SLC4A5: variants seen among roughly 807,000 people sequenced by gnomAD.
The protein encoded by SLC4A5 is electrogenic sodium bicarbonate cotransporter 4.
SLC4A5 carries 96 observed loss-of-function variants against 120.4 expected under a neutral mutation model. The ratio of observed to expected loss-of-function variants is 0.80; its 90% CI spans 0.68 to 0.94. The LOEUF is 0.94. Ranked by LOEUF, SLC4A5 falls within the 40% of genes least tolerant of loss-of-function variation. The probability of loss-of-function intolerance (pLI) is 0.00; values close to 1 mark genes in which losing one functional copy is unlikely to be tolerated. For missense variants in SLC4A5, 1,259 were observed against 1,459.5 expected, an observed-to-expected ratio of 0.86 and a Z score of 2.24; for synonymous variants, 550 against 571.1, an observed-to-expected ratio of 0.96 and a Z score of 0.53.
chr2:74,322,733 C>T (rs1258145829), intron 5 of SLC4A5, among the ~76,000 whole-genome samples: 1 of 152,054 alleles, frequency 6.6e-6, no homozygotes, highest in Non-Finnish European at 1.5e-5. Flanking sequence ...ATAATAGTCT[C>T]AGGCAAAATG....
chr2:74,256,135 T>C (rs2104009409), intron 12 of SLC4A5, among the ~76,000 whole-genome samples: 1 of 152,300 alleles, frequency 6.6e-6, no homozygotes, highest in Non-Finnish European at 1.5e-5. Context: ...TTAAGCCTTG[T>C]AGATGGGAAG....
chr2:74,318,788 A>G (rs1186176128), intron 5 of SLC4A5, among the ~76,000 whole-genome samples: 2 of 152,200 alleles, frequency 1.3e-5, no homozygotes, highest in African/African-American at 2.4e-5. Flanking sequence ...TATGGAAAAC[A>G]GTATGGAGGA....
At chr2:74,230,243 T>C (rs1237014346) in intron 25 of SLC4A5, among the ~76,000 whole-genome samples, 3 of 152,146 alleles carry the variant, frequency 2.0e-5, no homozygotes, top group African/African-American at 4.8e-5. Flanking sequence ...ACGTGGGCAC[T>C]GATCAAGGGA....
intron 14 of SLC4A5, among the ~76,000 whole-genome samples, 157 bp from the exon 15 acceptor site, chr2:74,253,285 A>G (rs1670851818): frequency 6.6e-6 from 1 of 152,206 alleles, no homozygotes; most frequent in African/African-American, 2.4e-5. Context: ...TACATTGGTA[A>G]AATATGGCAC....
intron 6 of SLC4A5, among the ~76,000 whole-genome samples, chr2:74,305,247 G>C (rs1385438542): frequency 2.0e-5 from 3 of 152,204 alleles, no homozygotes; most frequent in Non-Finnish European, 4.4e-5. Flanking sequence ...TTGAAACCCA[G>C]GGTAATGGGC....
At chr2:74,262,367 T>A in intron 10 of SLC4A5, 135 bp from the exon 11 acceptor site, 2 of 494,494 alleles carry the variant, frequency 4.0e-6, no homozygotes, top group Non-Finnish European at 3.5e-6. Context: ...GAAATTCTTT[T>A]TTTTTTTTTT....
chr2:74,321,542 T>C lies in SLC4A5; in HGVS notation c.-2-6517A>G, dbSNP rs530054949. Among the ~76,000 whole-genome samples, 107 of 152,208 alleles carry C rather than the reference T, an allele frequency of 7.0e-4. No homozygotes were observed. In the South Asian group the frequency reaches 0.01, roughly 14 times the overall value. On this transcript the variant is annotated intron_variant, in intron 5 of 30. Coordinates refer to ENST00000394019, the Ensembl canonical transcript of SLC4A5. ...ATATACTTCTACTAAAAATTATGTG[T>C]TGACAAAGGTGACCCAGATGTGGTT...
exon 19 of SLC4A5, chr2:74,247,128 A>G (rs943825018): frequency 5.0e-6 from 8 of 1,614,112 alleles, no homozygotes; most frequent in Non-Finnish European, 6.8e-6. Flanking sequence ...GGCACCGATC[A>G]TCTTCTTGAT....
intron 7 of SLC4A5, among the ~76,000 whole-genome samples, chr2:74,292,102 G>A (rs993267591): frequency 3.9e-5 from 6 of 152,198 alleles, no homozygotes; most frequent in African/African-American, 1.4e-4. Context: ...CTATGAAGCG[G>A]TAATAATCAC....
chr2:74,294,857 A>G (rs770441815), intron 7 of SLC4A5, among the ~76,000 whole-genome samples: 2 of 151,984 alleles, frequency 1.3e-5, no homozygotes, highest in African/African-American at 2.4e-5. Flanking sequence ...TTTTTAGTAG[A>G]AACTGGGTTC....
At chr2:74,237,748 C>T (rs1670313684) in intron 21 of SLC4A5, among the ~76,000 whole-genome samples, 1 of 152,096 alleles carries the variant, frequency 6.6e-6, no homozygotes, top group South Asian at 2.1e-4. Flanking sequence ...CTTATGTATG[C>T]AAGTGCTGTT....
chr2:74,246,342 A>G (rs1335684412), intron 19 of SLC4A5, among the ~76,000 whole-genome samples: 1 of 152,294 alleles, frequency 6.6e-6, no homozygotes, highest in East Asian at 1.9e-4. Context: ...AACGCCCACC[A>G]TTGTAGGTTC....
rs781050086 is a variant in SLC4A5, at chr2:74,255,823, A to T, written c.977T>A (p.Ile326Asn). 1.2e-6 allele frequency: 2 copies of T among 1,614,014 alleles called. No individual in the cohort carries two copies. Among genetic ancestry groups the T allele is most frequent in the African/African-American group, 1.3e-5 (1 of 74,904 alleles). The change falls in exon 13 of 31, where the codon ATC becomes AAC. Residue 326 changes from isoleucine to asparagine, a missense_variant. Coordinates refer to ENST00000394019, the Ensembl canonical transcript of SLC4A5. This position sits in a 1 kb window ranked among gnomAD's most constrained non-coding sequence, Gnocchi z 4.0. Reference sequence around the variant, plus strand: ...CACTCCTCCCAGCATGGCCGACTGGATGAGGCGCACGAACGCGATGAATGG... The same window carrying T: ...CACTCCTCCCAGCATGGCCGACTGGTTGAGGCGCACGAACGCGATGAATGG...
intron 7 of SLC4A5, among the ~76,000 whole-genome samples, chr2:74,294,931 G>A (rs986287300): frequency 2.0e-5 from 3 of 152,062 alleles, no homozygotes; most frequent in Non-Finnish European, 2.9e-5. Flanking sequence ...TCAGCCTCTC[G>A]AAGTGCTGGG....
At chr2:74,341,777 G>A (rs1386625863) in intron 2 of SLC4A5, among the ~76,000 whole-genome samples, 1 of 152,234 alleles carries the variant, frequency 6.6e-6, no homozygotes, top group African/African-American at 2.4e-5. Flanking sequence ...AGTAAGAGGG[G>A]CAGAAATGAA....
At position 74,252,407 on chromosome 2, in the gene SLC4A5, G is replaced by A. The variant is rs755737869; in HGVS notation, c.1269-19C>T. On this transcript the variant is annotated intron_variant, in intron 15 of 30. Coordinates refer to ENST00000394019, the Ensembl canonical transcript of SLC4A5. ...AGATTTCCTGGAAGAGAAGGGGGAT[G>A]AAGGAGAGTGGGTCCCCCAGAGCAC... The A allele has an allele frequency of 3.1e-6, 5 of 1,603,964 alleles. No individual in the cohort carries two copies. In the East Asian group the frequency reaches 1.1e-4, roughly 36 times the overall value.
intron 7 of SLC4A5, among the ~76,000 whole-genome samples, chr2:74,287,995 G>A (rs756578213): frequency 7.9e-5 from 12 of 152,092 alleles, no homozygotes; most frequent in South Asian, 2.1e-4. Context: ...ATCAGTTCCC[G>A]GCCTGCTGCC....
At chr2:74,307,217 T>C in intron 6 of SLC4A5, 1 of 534,488 alleles carries the variant, frequency 1.9e-6, no homozygotes, top group Non-Finnish European at 3.5e-6. Context: ...AGTACTTGTC[T>C]GGCTCCTCTC....
intron 6 of SLC4A5, 30 bp downstream of exon 6, chr2:74,314,915 A>G (rs1201005154): frequency 3.1e-6 from 5 of 1,595,644 alleles, no homozygotes; most frequent in Non-Finnish European, 4.3e-6. Context: ...GCCTCCTGAG[A>G]TTTGCATCAA....
Sources: allele counts gnomAD v4.1 joint callset (sites outside exome capture counted in the v4.1 genomes callset), GRCh38; gene constraint gnomAD v4.1.1; non-coding constraint Gnocchi (gnomAD v3.1); transcripts MANE v1.5; gene names NCBI Gene and HGNC (gene_info 2026-07-23, HGNC 2026-07-21).